Variants in PDILT observed in about 807,000 individuals in gnomAD.
The protein encoded by PDILT is protein disulfide-isomerase-like protein of the testis.
PDILT carries 43 observed loss-of-function variants against 53.7 expected under a neutral mutation model. The ratio of observed to expected loss-of-function variants is 0.80; its 90% CI spans 0.63 to 1.03. PDILT has a LOEUF of 1.03. PDILT is among the 50% of genes least tolerant of loss of function. The probability of loss-of-function intolerance (pLI) is 0.00; values close to 1 mark genes in which losing one functional copy is unlikely to be tolerated. For synonymous variants in PDILT, 282 were observed against 274.2 expected, an observed-to-expected ratio of 1.03 and a Z score of -0.28; for missense variants, 727 against 712.3, an observed-to-expected ratio of 1.02 and a Z score of -0.24.
chr16:20,385,276 GTATTATTAT>G (rs1019702922), intron 2 of PDILT, among the ~76,000 whole-genome samples: 1 of 152,118 alleles, frequency 6.6e-6, no homozygotes, highest in Admixed American at 6.5e-5. Context: ...TGTGGGATAG[GTATTATTAT>G]TATCTCAATT....
rs1293967555 is a variant in PDILT, at chr16:20,369,491, C to CT, written c.1116dup (p.His374ThrfsTer5). 6.2e-7 allele frequency: 1 copy of CT among 1,613,286 alleles called. No individual in the cohort carries two copies. The highest frequency in any genetic ancestry group is 1.7e-5 in the Admixed American group (1 of 60,018). ...TAAACCTTGTCCAAGAAAAAACCTA[C>CT]TGTGGCATTTTTACTCAGGAAGCTG... On this transcript the variant is annotated frameshift_variant and splice_region_variant. Coordinates refer to ENST00000302451, the MANE Select transcript of PDILT (RefSeq NM_174924.2). LOFTEE classifies it high-confidence loss of function.
chr16:20,399,786 G>A (rs1355967577), intron 1 of PDILT, among the ~76,000 whole-genome samples: 1 of 149,780 alleles, frequency 6.7e-6, no homozygotes, highest in Admixed American at 6.8e-5. Flanking sequence ...ACTACCTGCA[G>A]TGTACCCTGT....
At chr16:20,390,678 T>A (rs1337596052) in intron 2 of PDILT, 1 of 152,234 alleles carries the variant, frequency 6.6e-6, no homozygotes, top group African/African-American at 2.4e-5. Flanking sequence ...GCCTACAATA[T>A]ATCTGGGAAA....
intron 2 of PDILT, among the ~76,000 whole-genome samples, chr16:20,391,736 T>C (rs1966608981): frequency 6.6e-6 from 1 of 151,884 alleles, no homozygotes; most frequent in Non-Finnish European, 1.5e-5. Flanking sequence ...TGAAAAGCAG[T>C]TTTGATACCA....
chr16:20,401,842 T>A (rs1177491632), intron 1 of PDILT, among the ~76,000 whole-genome samples: 2 of 152,262 alleles, frequency 1.3e-5, no homozygotes, highest in East Asian at 3.9e-4. Context: ...TTTGGCAGAG[T>A]GTTCGCCCTG....
intron 2 of PDILT, among the ~76,000 whole-genome samples, chr16:20,396,955 A>G (rs1340462399): frequency 6.6e-6 from 1 of 152,154 alleles, no homozygotes; most frequent in Non-Finnish European, 1.5e-5. Flanking sequence ...TCACCACAAC[A>G]ACCTGCAAGG....
chr16:20,397,433 A>C (rs1043285072), intron 2 of PDILT, among the ~76,000 whole-genome samples: 5 of 152,148 alleles, frequency 3.3e-5, no homozygotes, highest in African/African-American at 1.2e-4. Context: ...ATGAGCTACC[A>C]TGCCCAGCCT....
intron 3 of PDILT, among the ~76,000 whole-genome samples, chr16:20,377,750 C>T (rs542847878): frequency 6.6e-6 from 1 of 151,934 alleles, no homozygotes; most frequent in African/African-American, 2.4e-5. Flanking sequence ...GTCAGGAGAT[C>T]GAGACAATCC....
rs1450980158 is a variant in PDILT, at chr16:20,362,527, G to T, written c.1293C>A (p.Gly431=). The change falls in exon 10 of 12, where the codon GGC becomes GGA. Residue 431 remains glycine, a synonymous_variant. Transcript: ENST00000302451. ...TTGTGGAGTGGTTTTGATATTTTCTGCCCAATTCCTCCAACAGTGGGAACA... is the reference window on the plus strand; with the variant it reads ...TTGTGGAGTGGTTTTGATATTTTCTTCCCAATTCCTCCAACAGTGGGAACA... The part of the protein sequence containing the change: ...KMLFPLLEEL[G]RKYQNHSTII... 1 of 1,613,926 alleles carries T rather than the reference G, an allele frequency of 6.2e-7. No homozygotes were observed. Among genetic ancestry groups the T allele is most frequent in the African/African-American group, 1.3e-5 (1 of 74,890 alleles).
intron 5 of PDILT, 52 bp downstream of exon 5, chr16:20,374,770 T>C: frequency 1.3e-6 from 2 of 1,558,650 alleles, no homozygotes; most frequent in Non-Finnish European, 1.7e-6. Flanking sequence ...CTCATACGAT[T>C]CCACTACTTT....
Position 20,374,464 on chromosome 16 carries a change from C to T in PDILT, c.681+358G>A, listed in dbSNP as rs532016024. Among the ~76,000 whole-genome samples the T allele has an allele frequency of 1.1e-4, 16 of 152,064 alleles. No homozygotes were observed. The South Asian group carries it at 3.1e-3, about 30-fold the overall frequency. ...CCATTTTGAGATGCCTGGTGTTGCA[C>T]ATAAAGGTCTGCAGATTAGAGAAAT... is the stretch of plus-strand genomic sequence containing the variant. On this transcript the variant is annotated intron_variant, in intron 5 of 11. Coordinates refer to ENST00000302451, the MANE Select transcript of PDILT (RefSeq NM_174924.2).
At chr16:20,398,651 G>C (rs1032657281) in intron 2 of PDILT, among the ~76,000 whole-genome samples, 1 of 151,894 alleles carries the variant, frequency 6.6e-6, no homozygotes, top group African/African-American at 2.4e-5. Context: ...AAAAAGTGAC[G>C]GTCTAAAAAC....
chr16:20,379,371 C>A (rs1374341183), intron 3 of PDILT, among the ~76,000 whole-genome samples: 6 of 152,136 alleles, frequency 3.9e-5, no homozygotes, highest in Non-Finnish European at 7.4e-5. Flanking sequence ...CAGGGTTTCA[C>A]CATGTTGGCC....
intron 2 of PDILT, among the ~76,000 whole-genome samples, chr16:20,394,031 G>T (rs1299619348): frequency 6.6e-6 from 1 of 152,110 alleles, no homozygotes; most frequent in Non-Finnish European, 1.5e-5. Flanking sequence ...GGAAAGAGGA[G>T]GAGTCATAGA....
In PDILT at chr16:20,380,636, G is replaced by C. The variant is rs74423062; in HGVS notation, c.409+4009C>G. On this transcript the variant is annotated intron_variant, in intron 3 of 11. Coordinates refer to ENST00000302451, the MANE Select transcript of PDILT (RefSeq NM_174924.2). ...CAGGCGTGAGCCACCGTGCCCAGCC[G>C]AGCTACCCTATTTTCTTCATTGAGT... is the stretch of plus-strand genomic sequence containing the variant. Among the ~76,000 whole-genome samples the C allele has an allele frequency of 1.4e-3, 213 of 152,124 alleles. 2 individuals are homozygous for C. Among genetic ancestry groups the C allele is most frequent in the African/African-American group, 4.9e-3 (205 of 41,502 alleles).
At chr16:20,367,025 TTCTTTCTTTCTTTC>T (rs1567320622) in intron 8 of PDILT, among the ~76,000 whole-genome samples, 3 of 4,042 alleles carry the variant, frequency 7.4e-4, no homozygotes, top group Non-Finnish European at 2.1e-3. Context: ...TCTCTCTTTC[TTCTTTCTTTCTTTC>T]TTTCTTTCTT....
At chr16:20,392,537 A>AT (rs1474802270) in intron 2 of PDILT, among the ~76,000 whole-genome samples, 1 of 152,212 alleles carries the variant, frequency 6.6e-6, no homozygotes, top group Non-Finnish European at 1.5e-5. Context: ...GAAAGCTTTC[A>AT]TAGTGCTTTC....
chr16:20,381,756 T>C (rs1222642992), intron 3 of PDILT, among the ~76,000 whole-genome samples: 1 of 152,152 alleles, frequency 6.6e-6, no homozygotes, highest in Non-Finnish European at 1.5e-5. Flanking sequence ...AGCTTCATCC[T>C]GGCATTCCCT....
At chr16:20,376,023 C>G (rs112637862) in intron 4 of PDILT, 45 bp downstream of exon 4, 1 of 1,610,806 alleles carries the variant, frequency 6.2e-7, no homozygotes, top group South Asian at 1.1e-5. Flanking sequence ...AGACACAGCA[C>G]TTCTCATCAG....
Sources: allele counts gnomAD v4.1 joint callset (sites outside exome capture counted in the v4.1 genomes callset), GRCh38; gene constraint gnomAD v4.1.1; transcripts MANE v1.5; gene names NCBI Gene and HGNC (gene_info 2026-07-23, HGNC 2026-07-21).